Variants in EIF3A observed in about 807,000 individuals in gnomAD.
EIF3A encodes eukaryotic translation initiation factor 3 subunit A, also known as EIF3, p180 subunit.
Under a neutral mutation model 186.6 loss-of-function variants are expected in EIF3A, and 21 were observed. That is an observed-to-expected ratio of 0.11 (90% CI 0.08 to 0.16). The LOEUF is 0.16. Ranked by LOEUF, EIF3A falls within the 10% of genes least tolerant of loss-of-function variation. The pLI is 1.00. For synonymous variants in EIF3A, 563 were observed against 584.3 expected, an observed-to-expected ratio of 0.96 and a Z score of 0.52; for missense variants, 1,306 against 1,796.3, an observed-to-expected ratio of 0.73 and a Z score of 4.93.
intron 14 of EIF3A, among the ~76,000 whole-genome samples, chr10:119,055,842 T>C (rs1843768092): frequency 6.6e-6 from 1 of 152,232 alleles, no homozygotes; most frequent in Non-Finnish European, 1.5e-5. Context: ...TGCAAGATGA[T>C]ATATGGCTAT....
At chr10:119,052,687 C>T (rs1848375545) in intron 14 of EIF3A, among the ~76,000 whole-genome samples, 1 of 152,090 alleles carries the variant, frequency 6.6e-6, no homozygotes, top group South Asian at 2.1e-4. Flanking sequence ...ATACATCTAA[C>T]TCTACTTCTC....
At chr10:119,058,517 A>T (rs1843828774) in intron 11 of EIF3A, among the ~76,000 whole-genome samples, 1 of 152,208 alleles carries the variant, frequency 6.6e-6, no homozygotes, top group Non-Finnish European at 1.5e-5. Context: ...CAGCTAAAGA[A>T]GCTCTCCTAG....
At chr10:119,070,826 G>A (rs1169091216) in intron 5 of EIF3A, 60 bp downstream of exon 5, 1 of 1,196,630 alleles carries the variant, frequency 8.4e-7, no homozygotes, top group Non-Finnish European at 1.2e-6. Flanking sequence ...TTCATTAAGG[G>A]GGGAGAAAAG....
intron 9 of EIF3A, chr10:119,059,982 C>T (rs1280826014): frequency 3.8e-6 from 2 of 530,906 alleles, no homozygotes; most frequent in South Asian, 3.1e-5. Context: ...TGCTACTTAC[C>T]GAATATATTT....
chr10:119,042,878 A>G lies in EIF3A; in HGVS notation c.2748-106T>C. ...TTTTAAAAACTTCAGTATGGGCCGG[A>G]GCAGTGGCTCGCACCTTTAATCCCA... On this transcript the variant is annotated intron_variant, in intron 18 of 21. Coordinates refer to ENST00000369144, the MANE Select transcript of EIF3A (RefSeq NM_003750.4). The surrounding 1 kb of genome is among the most constrained non-coding windows in gnomAD (Gnocchi z 7.8). 8.4e-7 allele frequency: 1 copy of G among 1,197,180 alleles called. No individual in the cohort carries two copies. The highest frequency in any genetic ancestry group is 2.6e-5 in the East Asian group (1 of 39,112). 74.2% of individuals were successfully genotyped at this position (1,197,180 alleles called of 1,614,324 possible).
At chr10:119,076,346 T>C (rs1215845221) in intron 1 of EIF3A, among the ~76,000 whole-genome samples, 1 of 148,062 alleles carries the variant, frequency 6.8e-6, no homozygotes, top group Admixed American at 6.7e-5. Flanking sequence ...AAAAGTTTGC[T>C]ACAGGATAAA....
intron 17 of EIF3A, among the ~76,000 whole-genome samples, chr10:119,047,165 G>C (rs1481606867): frequency 6.6e-6 from 1 of 152,180 alleles, no homozygotes; most frequent in African/African-American, 2.4e-5. Flanking sequence ...CTACTCAGGA[G>C]GCTGAGGCAG....
chr10:119,076,244 A>G (rs895027134), intron 1 of EIF3A, among the ~76,000 whole-genome samples: 2 of 151,112 alleles, frequency 1.3e-5, no homozygotes, highest in Non-Finnish European at 2.9e-5. Flanking sequence ...GAGGCAAGAC[A>G]ATTACTTGAA....
chr10:119,038,255 A>T lies in EIF3A; in HGVS notation c.3711T>A (p.Asp1237Glu), dbSNP rs768115339. Residue 1237 changes from aspartate to glutamate, a missense_variant, in exon 20 of 22, where the codon GAT (aspartate) becomes GAA (glutamate). Transcript: ENST00000369144. ...CATCACACCTAGGTCTTCTGAAGCG[A>T]TCCTCTCGATCCACATCTCTCTCTC... Reference protein sequence around the residue: ...RDRERDVDREDRFRRPRDEGG... With the variant: ...RDRERDVDREERFRRPRDEGG... 8 of 1,613,840 alleles carry T rather than the reference A, an allele frequency of 5.0e-6. No individual in the cohort carries two copies. Among genetic ancestry groups the T allele is most frequent in the Non-Finnish European group, 6.8e-6 (8 of 1,179,904 alleles).
rs531226009 is a variant in EIF3A, at chr10:119,064,327, AGT to A, written c.1122+1070_1122+1071del. 1.3e-3 allele frequency among the ~76,000 whole-genome samples: 191 copies of A among 152,210 alleles called. 4 individuals are homozygous for A. The South Asian group carries it at 0.02, about 16-fold the overall frequency. On this transcript the variant is annotated intron_variant, in intron 7 of 21. Coordinates refer to ENST00000369144, the MANE Select transcript of EIF3A (RefSeq NM_003750.4). ...GTAAGTCTACCTTACCTTCTCCCCT[AGT>A]GATGTGGTTTGGATCTGTGTACCCA... is the stretch of plus-strand genomic sequence containing the variant.
chr10:119,074,383 T>C (rs1018093439), intron 1 of EIF3A, among the ~76,000 whole-genome samples: 2 of 152,084 alleles, frequency 1.3e-5, no homozygotes, highest in Admixed American at 1.3e-4. Context: ...GAGAATCACT[T>C]GAACCCAGGA....
chr10:119,052,368 TTGTGTG>T lies in EIF3A; in HGVS notation c.2197-1053_2197-1048del, dbSNP rs61029991. Among the ~76,000 whole-genome samples, 69 of 123,058 alleles carry T rather than the reference TTGTGTG, an allele frequency of 5.6e-4. 1 individual carries two copies. The highest frequency in any genetic ancestry group is 1.6e-3 in the African/African-American group (56 of 34,038). 80.7% of individuals were successfully genotyped at this position (123,058 alleles called of 152,430 possible). A position where few individuals can be genotyped will look rare whatever the true frequency, so the allele number is the denominator to read the frequency against. On this transcript the variant is annotated intron_variant, in intron 14 of 21. Coordinates refer to ENST00000369144, the MANE Select transcript of EIF3A (RefSeq NM_003750.4). Reference sequence around the variant, plus strand: ...CTTCAGGTTATAGTCTTTTTTGGTTTTGTGTGTGTGTGTGTGTGTGTGTGTGTGTGT... The same window carrying T: ...CTTCAGGTTATAGTCTTTTTTGGTTTTGTGTGTGTGTGTGTGTGTGTGTGT...
At chr10:119,054,390 T>C (rs1438928896) in intron 14 of EIF3A, among the ~76,000 whole-genome samples, 1 of 152,068 alleles carries the variant, frequency 6.6e-6, no homozygotes, top group Non-Finnish European at 1.5e-5. Flanking sequence ...TCACTGTTTA[T>C]GTGTTCACTG....
In EIF3A at chr10:119,069,339, T is replaced by C. The variant is rs1375641253; in HGVS notation, c.950+107A>G. ...TGACTAAGAATTATCCAACCCAAAA[T>C]GTCAGTAGTGCAGAGGCTGAGAAAC... On this transcript the variant is annotated intron_variant, in intron 6 of 21. Transcript: ENST00000369144. 5 of 659,382 alleles carry C rather than the reference T, an allele frequency of 7.6e-6. No homozygotes were observed. The East Asian group carries it at 1.4e-4, about 18-fold the overall frequency. 40.8% of individuals were successfully genotyped at this position (659,382 alleles called of 1,614,324 possible). A position where few individuals can be genotyped will look rare whatever the true frequency, so the allele number is the denominator to read the frequency against.
chr10:119,066,860 A>T (rs570864279), intron 6 of EIF3A, among the ~76,000 whole-genome samples: 1 of 152,302 alleles, frequency 6.6e-6, no homozygotes, highest in East Asian at 1.9e-4. Flanking sequence ...GCTCACTATT[A>T]TTGTAGTACT....
intron 11 of EIF3A, among the ~76,000 whole-genome samples, chr10:119,058,943 T>C (rs1843836240): frequency 6.6e-6 from 1 of 152,160 alleles, no homozygotes; most frequent in South Asian, 2.1e-4. Flanking sequence ...TATTTCACTA[T>C]TTGAGGAATC....
At chr10:119,073,607 A>G (rs768658790) in intron 2 of EIF3A, 30 bp from the exon 3 acceptor site, 2 of 1,596,236 alleles carry the variant, frequency 1.3e-6, no homozygotes, top group Middle Eastern at 1.7e-4. Context: ...ACTCTTCAGA[A>G]CTTATTTTTC....
intron 4 of EIF3A, among the ~76,000 whole-genome samples, chr10:119,071,962 T>G (rs558322298): frequency 6.3e-5 from 9 of 143,074 alleles, no homozygotes; most frequent in African/African-American, 2.3e-4. Context: ...GAGGCGGAGC[T>G]TGTAGTGAGC....
At chr10:119,036,290 A>G in intron 21 of EIF3A, 22 bp from the exon 22 acceptor site, 1 of 1,558,750 alleles carries the variant, frequency 6.4e-7, no homozygotes, top group Non-Finnish European at 8.7e-7. Flanking sequence ...AATTAAAAAA[A>G]AAAAATTAAG....
Sources: allele counts gnomAD v4.1 joint callset (sites outside exome capture counted in the v4.1 genomes callset), GRCh38; gene constraint gnomAD v4.1.1; non-coding constraint Gnocchi (gnomAD v3.1); transcripts MANE v1.5; gene names NCBI Gene and HGNC (gene_info 2026-07-23, HGNC 2026-07-21).